Variants in SFSWAP observed in about 807,000 individuals in gnomAD.
SFSWAP encodes splicing factor, suppressor of white-apricot homolog.
A neutral mutation model predicts 100.7 loss-of-function variants in SFSWAP; 17 were observed. The observed-to-expected ratio is 0.17, with a 90% CI of 0.12 to 0.25. SFSWAP has a LOEUF of 0.25. Among genes scored for constraint, SFSWAP ranks in the 10% least tolerant of loss-of-function variants. The pLI is 1.00. For synonymous variants in SFSWAP, 504 were observed against 510.1 expected, an observed-to-expected ratio of 0.99 and a Z score of 0.16; for missense variants, 1,005 against 1,262.6, an observed-to-expected ratio of 0.80 and a Z score of 3.09.
rs779975190 is a variant in SFSWAP at position 131,766,337 on chromosome 12, C to T, written c.2142+29C>T. Reference sequence around the variant, plus strand: ...TAGTAAAATCCCACATTGGTATCTGCGGGGCTGTGTGATACATAGAGGCAG... The same window carrying T: ...TAGTAAAATCCCACATTGGTATCTGTGGGGCTGTGTGATACATAGAGGCAG... On this transcript the variant is annotated intron_variant, in intron 13 of 17. Coordinates refer to ENST00000261674, the MANE Select transcript of SFSWAP (RefSeq NM_004592.4). 5.0e-6 allele frequency: 8 copies of T among 1,596,378 alleles called. No individual in the cohort carries two copies. The East Asian group carries it at 8.9e-5, about 18-fold the overall frequency.
At chr12:131,795,608 T>C (rs1005236396) in intron 15 of SFSWAP, among the ~76,000 whole-genome samples, 5 of 151,950 alleles carry the variant, frequency 3.3e-5, no homozygotes, top group African/African-American at 9.6e-5. Flanking sequence ...GCACAAGAAA[T>C]GCATGAAGTC....
chr12:131,715,384 G>A (rs1565999998), intron 3 of SFSWAP, among the ~76,000 whole-genome samples: 1 of 152,170 alleles, frequency 6.6e-6, no homozygotes, highest in South Asian at 2.1e-4. Flanking sequence ...GAAGGACACA[G>A]TGAGGGAGTT....
In SFSWAP at chr12:131,778,339, G is replaced by A. The variant is rs1341154041; in HGVS notation, c.2408+9G>A. Reference sequence around the variant, plus strand: ...ACAGTGCGGCGGTCGAGGTGGGTGTGAAGGGGGCAGCACCTCTGGTACCCT... The same window carrying A: ...ACAGTGCGGCGGTCGAGGTGGGTGTAAAGGGGGCAGCACCTCTGGTACCCT... On this transcript the variant is annotated intron_variant, in intron 14 of 17. Coordinates refer to ENST00000261674, the MANE Select transcript of SFSWAP (RefSeq NM_004592.4). This position sits in a 1 kb window ranked among gnomAD's most constrained non-coding sequence, Gnocchi z 4.2. 6.2e-7 allele frequency: 1 copy of A among 1,610,200 alleles called. No individual in the cohort carries two copies. Among genetic ancestry groups the A allele is most frequent in the Admixed American group, 1.7e-5 (1 of 59,474 alleles).
intron 4 of SFSWAP, among the ~76,000 whole-genome samples, chr12:131,723,038 A>T (rs1566005436): frequency 6.6e-6 from 1 of 152,224 alleles, no homozygotes; most frequent in Non-Finnish European, 1.5e-5. Context: ...AACTGCCCTA[A>T]GTTACATGTG....
Position 131,719,622 on chromosome 12 carries a change from T to C in SFSWAP, c.606+83T>C, listed in dbSNP as rs1328282123. ...TGCTTGTGGGAAAGCTCAATAATGA[T>C]TATAGCTGCTTTTTAGGCATATAAT... On this transcript the variant is annotated intron_variant, in intron 4 of 17. Coordinates refer to ENST00000261674, the MANE Select transcript of SFSWAP (RefSeq NM_004592.4). 2.8e-6 allele frequency: 3 copies of C among 1,083,122 alleles called. No individual in the cohort carries two copies. The African/African-American group carries it at 4.7e-5, about 17-fold the overall frequency. 67.1% of individuals were successfully genotyped at this position (1,083,122 alleles called of 1,614,324 possible). A position where few individuals can be genotyped will look rare whatever the true frequency, so the allele number is the denominator to read the frequency against.
chr12:131,715,362 A>T (rs1026026139), intron 3 of SFSWAP, among the ~76,000 whole-genome samples: 1 of 152,164 alleles, frequency 6.6e-6, no homozygotes, highest in Non-Finnish European at 1.5e-5. Flanking sequence ...AGACAGTGAC[A>T]CATGCCCAGT....
At chr12:131,758,196 AG>A (rs1882351806) in intron 11 of SFSWAP, 1 of 153,018 alleles carries the variant, frequency 6.5e-6, no homozygotes. Context: ...TTGTGAGCCC[AG>A]GGAAGGCACC....
Position 131,725,583 on chromosome 12 carries a change from A to G in SFSWAP, c.785A>G (p.Glu262Gly). Residue 262 changes from glutamate to glycine, a missense_variant, in exon 5 of 18, where the codon GAG becomes GGG. By Grantham distance (98) the Glu-to-Gly change is moderately conservative. Around this residue, in one of 7 missense-constraint regions of SFSWAP, gnomAD observed 54 missense variants for 51.9 expected, o/e 1.04. Coordinates refer to ENST00000261674, the MANE Select transcript of SFSWAP (RefSeq NM_004592.4). This position sits in a 1 kb window ranked among gnomAD's most constrained non-coding sequence, Gnocchi z 4.3. ...YYKFIQKAMK[E>G]GRYTVLAENK... ...AAGTTCATCCAGAAAGCCATGAAAGAGGGACGCTACACTGTCCTGGCAGAA... is the reference window on the plus strand; with the variant it reads ...AAGTTCATCCAGAAAGCCATGAAAGGGGGACGCTACACTGTCCTGGCAGAA... 6.2e-7 allele frequency: 1 copy of G among 1,614,178 alleles called. No homozygotes were observed. Among genetic ancestry groups the G allele is most frequent in the Non-Finnish European group, 8.5e-7 (1 of 1,180,038 alleles).
Position 131,733,035 on chromosome 12 carries a change from G to A in SFSWAP, c.1081+4607G>A, listed in dbSNP as rs1384774120. On this transcript the variant is annotated intron_variant, in intron 7 of 17. Coordinates refer to ENST00000261674, the MANE Select transcript of SFSWAP (RefSeq NM_004592.4). The surrounding 1 kb of genome is among the most constrained non-coding windows in gnomAD (Gnocchi z 5.1). Reference sequence around the variant, plus strand: ...AGAGGAGTTGCATGTGAGGGAGGAGGCGTGATTTAAAGCATGAAGAGAATC... The same window carrying A: ...AGAGGAGTTGCATGTGAGGGAGGAGACGTGATTTAAAGCATGAAGAGAATC... Among the ~76,000 whole-genome samples the A allele has an allele frequency of 6.6e-6, 1 of 152,186 alleles. No individual in the cohort carries two copies. Among genetic ancestry groups the A allele is most frequent in the Non-Finnish European group, 1.5e-5 (1 of 68,040 alleles).
In SFSWAP at chr12:131,715,000, C is replaced by T. The variant is rs368324940; in HGVS notation, c.520+47C>T. Reference sequence around the variant, plus strand: ...CTGCTGGTGTAGGGCTACACGTGTACGCACAGGCTGCATGCACCGTGGTCC... The same window carrying T: ...CTGCTGGTGTAGGGCTACACGTGTATGCACAGGCTGCATGCACCGTGGTCC... On this transcript the variant is annotated intron_variant, in intron 3 of 17. Transcript: ENST00000261674. The surrounding 1 kb of genome is among the most constrained non-coding windows in gnomAD (Gnocchi z 6.0). 1.1e-5 allele frequency: 17 copies of T among 1,604,140 alleles called. No individual in the cohort carries two copies. Among genetic ancestry groups the T allele is most frequent in the Admixed American group, 5.0e-5 (3 of 59,882 alleles).
At position 131,723,672 on chromosome 12, in the gene SFSWAP, A is replaced by C. The variant is rs1249711930; in HGVS notation, c.607-1733A>C. On this transcript the variant is annotated intron_variant, in intron 4 of 17. Coordinates refer to ENST00000261674, the MANE Select transcript of SFSWAP (RefSeq NM_004592.4). ...ATGCCACCTCCTTCCTGGTCCCCCG[A>C]TGGGTCTGAGCTCAAGCCTTTTCCA... Among the ~76,000 whole-genome samples the C allele has an allele frequency of 2.0e-5, 3 of 151,956 alleles. No homozygotes were observed. In the East Asian group the frequency reaches 5.8e-4, roughly 29 times the overall value.
At chr12:131,731,667 T>G (rs1194885688) in intron 7 of SFSWAP, among the ~76,000 whole-genome samples, 1 of 152,104 alleles carries the variant, frequency 6.6e-6, no homozygotes, top group Non-Finnish European at 1.5e-5. Flanking sequence ...AGTTTTTGGG[T>G]TGAGTTCCGT....
At chr12:131,754,057 A>G (rs955875684) in intron 8 of SFSWAP, among the ~76,000 whole-genome samples, 1 of 152,150 alleles carries the variant, frequency 6.6e-6, no homozygotes, top group African/African-American at 2.4e-5. Flanking sequence ...TCAATATAAC[A>G]ACAACAACAA....
intron 7 of SFSWAP, among the ~76,000 whole-genome samples, chr12:131,743,009 A>T (rs962753651): frequency 2.0e-5 from 3 of 152,220 alleles, no homozygotes; most frequent in Non-Finnish European, 4.4e-5. Flanking sequence ...ATCAGATCTC[A>T]TAAGACTCAT....
Position 131,782,004 on chromosome 12 carries a change from C to T in SFSWAP, c.2408+3674C>T, listed in dbSNP as rs540058121. ...CAAGGGCATAGCTGGGTGCAGAGAC[C>T]GGCAGTGCCGTGGTCTCTGGAGTCT... On this transcript the variant is annotated intron_variant, in intron 14 of 17. Coordinates refer to ENST00000261674, the MANE Select transcript of SFSWAP (RefSeq NM_004592.4). Among the ~76,000 whole-genome samples, 8 of 152,302 alleles carry T rather than the reference C, an allele frequency of 5.3e-5. No homozygotes were observed. In the South Asian group the frequency reaches 1.2e-3, roughly 24 times the overall value.
At chr12:131,786,910 C>G (rs1227411533) in intron 15 of SFSWAP, among the ~76,000 whole-genome samples, 1 of 152,124 alleles carries the variant, frequency 6.6e-6, no homozygotes, top group East Asian at 1.9e-4. Flanking sequence ...GTGGAGAGGA[C>G]AGGAAGGCAC....
intron 8 of SFSWAP, among the ~76,000 whole-genome samples, chr12:131,753,761 GTC>G (rs1438487452): frequency 6.6e-6 from 1 of 152,172 alleles, no homozygotes; most frequent in African/African-American, 2.4e-5. Context: ...TGCTTCATGA[GTC>G]TCTCCCAAGC....
chr12:131,777,918 T>A, intron 13 of SFSWAP, 147 bp from the exon 14 acceptor site: 1 of 1,311,782 alleles, frequency 7.6e-7, no homozygotes, highest in Non-Finnish European at 1.0e-6. Context: ...GACAAGGAGG[T>A]CACTCTGGAT....
rs1884209589 is a variant in SFSWAP at position 131,778,569 on chromosome 12, G to A, written c.2408+239G>A. On this transcript the variant is annotated intron_variant, in intron 14 of 17. Transcript: ENST00000261674. This position sits in a 1 kb window ranked among gnomAD's most constrained non-coding sequence, Gnocchi z 4.2. ...TTTTGTTCTTGTTGCCCAGGCTAGA[G>A]TGCAGTGGTGCGATCTTGGCTCACT... is the stretch of plus-strand genomic sequence containing the variant. 6.6e-6 allele frequency among the ~76,000 whole-genome samples: 1 copy of A among 152,188 alleles called. No individual in the cohort carries two copies. Among genetic ancestry groups the A allele is most frequent in the Non-Finnish European group, 1.5e-5 (1 of 68,032 alleles).
Sources: gnomAD v4.1 joint callset for allele counts (sites outside exome capture counted in the v4.1 genomes callset) on GRCh38, gnomAD v4.1.1 for gene constraint, gnomAD v4.1.1 regional missense constraint, Gnocchi (gnomAD v3.1) non-coding constraint, MANE v1.5 for transcripts, NCBI Gene and HGNC (gene_info 2026-07-23, HGNC 2026-07-21) for gene names.